GPHN: variants seen among roughly 807,000 people sequenced by gnomAD.
GPHN encodes the protein gephyrin.
A neutral mutation model predicts 95.5 loss-of-function variants in GPHN; 17 were observed. The observed-to-expected ratio is 0.18, with a 90% CI of 0.12 to 0.27. GPHN has a LOEUF of 0.27. Ranked by LOEUF, GPHN falls within the 10% of genes least tolerant of loss-of-function variation. GPHN has a pLI of 1.00. For synonymous variants in GPHN, 320 were observed against 322.5 expected (o/e 0.99, Z 0.08); for missense variants, 660 against 978.1 (o/e 0.67, Z 4.34).
the GPHN span, chr14:67,686,077 T>C: frequency 6.6e-6 from 1 of 152,172 alleles, no homozygotes; most frequent in Non-Finnish European, 1.5e-5. Context: ...AATTCTATGG[T>C]GCTCACATTT....
the GPHN span, among the ~76,000 whole-genome samples, chr14:67,682,126 A>G: frequency 2.6e-5 from 4 of 152,174 alleles, no homozygotes; most frequent in Non-Finnish European, 4.4e-5. Flanking sequence ...AAATTTCTTT[A>G]GAAATTACCC....
At chr14:67,682,827 C>T in the GPHN span, among the ~76,000 whole-genome samples, 1 of 152,154 alleles carries the variant, frequency 6.6e-6, no homozygotes, top group African/African-American at 2.4e-5. Context: ...AGTGCAAACC[C>T]AAATGCCCAT....
intron 1 of GPHN, among the ~76,000 whole-genome samples, chr14:66,550,636 C>T (rs1301941386): frequency 6.6e-6 from 1 of 152,204 alleles, no homozygotes; most frequent in Non-Finnish European, 1.5e-5. Context: ...TTGCCTGCTA[C>T]AGATAAATAT....
chr14:67,473,700 A>T, the GPHN span: 2 of 1,594,854 alleles, frequency 1.3e-6, no homozygotes, highest in Non-Finnish European at 1.7e-6. The surrounding 1 kb of genome is among the most constrained non-coding windows in gnomAD (Gnocchi z 6.5). Context: ...GAGGCAGCGC[A>T]GGAGCAGCGG....
chr14:66,908,156 T>C (rs1044359100), intron 5 of GPHN, among the ~76,000 whole-genome samples: 33 of 152,002 alleles, frequency 2.2e-4, no homozygotes, highest in African/African-American at 7.7e-4. Flanking sequence ...TTTATTACCA[T>C]TTGGCAATAA....
chr14:67,321,535 T>G, the GPHN span, among the ~76,000 whole-genome samples: 1 of 152,202 alleles, frequency 6.6e-6, no homozygotes, highest in Non-Finnish European at 1.5e-5. Flanking sequence ...TTCTCAGATT[T>G]TAGAATATTT....
intron 12 of GPHN, 58 bp downstream of exon 12, chr14:67,089,133 C>CTGTTTTTTTTTTTTTTTTTT (rs2077040691): frequency 5.7e-6 from 1 of 174,676 alleles, no homozygotes; most frequent in Non-Finnish European, 8.9e-6. Flanking sequence ...TTCTTTTTTT[C>CTGTTTTTTTTTTTTTTTTTT]TTTTTTTTTT....
chr14:66,565,437 T>A (rs956471834), intron 1 of GPHN, among the ~76,000 whole-genome samples: 2 of 152,070 alleles, frequency 1.3e-5, no homozygotes, highest in African/African-American at 4.8e-5. Context: ...TAGCCAGGAC[T>A]ACAGACATGC....
chr14:67,304,251 A>C, the GPHN span, among the ~76,000 whole-genome samples: 1 of 152,188 alleles, frequency 6.6e-6, no homozygotes, highest in East Asian at 1.9e-4. Flanking sequence ...ATCTGTTAAA[A>C]GTCAGTCTCC....
chr14:67,612,986 C>G, the GPHN span, among the ~76,000 whole-genome samples: 1 of 151,984 alleles, frequency 6.6e-6, no homozygotes, highest in Non-Finnish European at 1.5e-5. Flanking sequence ...AGCTATATTT[C>G]TAGGGCTGCC....
At chr14:67,455,387 C>T in the GPHN span, among the ~76,000 whole-genome samples, 10 of 152,140 alleles carry the variant, frequency 6.6e-5, no homozygotes, top group Non-Finnish European at 1.5e-4. Context: ...CAGTTAATGA[C>T]CTCTCCTTTT....
At chr14:66,989,128 C>T (rs1354247462) in intron 9 of GPHN, among the ~76,000 whole-genome samples, 9 of 151,894 alleles carry the variant, frequency 5.9e-5, no homozygotes, top group East Asian at 1.9e-4. Context: ...AATTAATACA[C>T]GTGTCTCATA....
chr14:66,878,062 A>G (rs1032727043), intron 4 of GPHN, among the ~76,000 whole-genome samples: 22 of 152,212 alleles, frequency 1.4e-4, no homozygotes, highest in African/African-American at 4.8e-4. Context: ...GGCCTCAGAA[A>G]TAACACCACA....
intron 9 of GPHN, among the ~76,000 whole-genome samples, chr14:66,980,856 G>A (rs2070610832): frequency 6.6e-6 from 1 of 152,162 alleles, no homozygotes; most frequent in African/African-American, 2.4e-5. Flanking sequence ...TTTGAGACCA[G>A]CCTGACCAAC....
the GPHN span, among the ~76,000 whole-genome samples, chr14:67,355,780 TGCTTGAGTTCAAGACC>T: frequency 6.6e-6 from 1 of 151,562 alleles, no homozygotes; most frequent in Non-Finnish European, 1.5e-5. Context: ...GTGGGTAGAT[TGCTTGAGTTCAAGACC>T]AGCCTGGGAA....
At chr14:67,022,567 TGGTG>T (rs2073701349) in intron 9 of GPHN, among the ~76,000 whole-genome samples, 1 of 78,778 alleles carries the variant, frequency 1.3e-5, no homozygotes, top group Non-Finnish European at 2.1e-5. Context: ...TTTTTTTTTT[TGGTG>T]TGTGTGTGTG....
chr14:67,597,982 T>C, the GPHN span, among the ~76,000 whole-genome samples: 1 of 152,202 alleles, frequency 6.6e-6, no homozygotes, highest in East Asian at 1.9e-4. Flanking sequence ...GAACAATAAA[T>C]CCTTAAGGAT....
At chr14:67,695,871 T>C in the GPHN span, 3 of 613,698 alleles carry the variant, frequency 4.9e-6, no homozygotes, top group Non-Finnish European at 8.7e-6. Context: ...GTGGGAGCGC[T>C]GCCGCCAACG....
chr14:66,732,134 G>C (rs934128378), intron 2 of GPHN, among the ~76,000 whole-genome samples: 1 of 152,208 alleles, frequency 6.6e-6, no homozygotes, highest in Non-Finnish European at 1.5e-5. Context: ...CAGTGCAGAA[G>C]GGAAATGTGG....
Sources: allele counts gnomAD v4.1 joint callset (sites outside exome capture counted in the v4.1 genomes callset), GRCh38; gene constraint gnomAD v4.1.1; non-coding constraint Gnocchi (gnomAD v3.1); transcripts MANE v1.5; gene names NCBI Gene and HGNC (gene_info 2026-07-23, HGNC 2026-07-21).